TTI2: variants seen among roughly 807,000 people sequenced by gnomAD.
The protein encoded by TTI2 is TELO2 interacting protein 2.
In TTI2, 26 loss-of-function variants were observed where a neutral mutation model predicts 44.9. The ratio of observed to expected loss-of-function variants is 0.58; its 90% CI spans 0.42 to 0.80. The LOEUF is 0.80. Among genes scored for constraint, TTI2 ranks in the 30% least tolerant of loss-of-function variants. The pLI is 0.00. For missense variants in TTI2, 582 were observed against 611.6 expected (o/e 0.95, Z 0.51); for synonymous variants, 254 against 250.9 (o/e 1.01, Z -0.12).
chr8:33,512,413 T>C lies in TTI2; in HGVS notation c.201A>G (p.Leu67=), dbSNP rs1809577427. The change falls in exon 2 of 8, where the codon TTA becomes TTG. Residue 67 remains leucine, a synonymous_variant. Coordinates refer to ENST00000431156, the MANE Select transcript of TTI2 (RefSeq NM_001102401.4). ...GGAGCCGTGCACCAGTCCCCTCAAA[T>C]AACCTATCAAATTCTGTGGCTTCTA... ...DLIEATEFDR[L]FEGTGARLRG... 5 of 1,614,074 alleles carry C rather than the reference T, an allele frequency of 3.1e-6. No homozygotes were observed. The highest frequency in any genetic ancestry group is 3.4e-6 in the Non-Finnish European group (4 of 1,179,944).
At chr8:33,506,061 A>G (rs915252005) in intron 4 of TTI2, among the ~76,000 whole-genome samples, 12 of 152,152 alleles carry the variant, frequency 7.9e-5, no homozygotes, top group African/African-American at 2.7e-4. Context: ...CTGGGATTAC[A>G]GGCGTGAGCC....
Position 33,509,601 on chromosome 8 carries a change from C to T in TTI2, c.834+145G>A, listed in dbSNP as rs1193805080. 3 of 764,464 alleles carry T rather than the reference C, an allele frequency of 3.9e-6. No individual in the cohort carries two copies. In the African/African-American group the frequency reaches 5.2e-5, roughly 13 times the overall value. 47.4% of individuals were successfully genotyped at this position (764,464 alleles called of 1,614,324 possible). ...TTATTACATTACCTATAGGATACAA[C>T]TTCTACCAGGTGGATAGAGGAAAAA... On this transcript the variant is annotated intron_variant, in intron 3 of 7. Transcript: ENST00000431156.
chr8:33,504,745 A>C (rs1809236802), intron 4 of TTI2, among the ~76,000 whole-genome samples: 1 of 152,116 alleles, frequency 6.6e-6, no homozygotes, highest in Non-Finnish European at 1.5e-5. Context: ...CCATCTTGGG[A>C]TGCATGCAGG....
rs1383186117 is a variant in TTI2 at position 33,503,521 on chromosome 8, A to G, written c.1167T>C (p.Ile389=). The G allele has an allele frequency of 5.0e-6, 8 of 1,613,948 alleles. No homozygotes were observed. Among genetic ancestry groups the G allele is most frequent in the Non-Finnish European group, 5.1e-6 (6 of 1,180,022 alleles). Residue 389 remains isoleucine (I), a synonymous_variant, in exon 6 of 8, where the codon ATT becomes ATC. Transcript: ENST00000431156. ...RHLKRLERVI[I]GYLEVYDGPE... ...GTCCATCATAAACCTCCAGATAACC[A>G]ATGATGACTCTCTCCAGCCTCTTTA...
At chr8:33,509,978 G>GAAAA in intron 2 of TTI2, 46 bp from the exon 3 acceptor site, 19 of 265,170 alleles carry the variant, frequency 7.2e-5, no homozygotes, top group South Asian at 1.3e-4. Context: ...GTGATAAGTA[G>GAAAA]CAAAAAAAAA....
Position 33,500,328 on chromosome 8 carries a change from CT to C in TTI2, c.1421del (p.Lys474ArgfsTer17). ...GAAACCAAGTTTCAGTCTGCCTTAC[CT>C]TTACCCGTCCTTGAGAACAGCGGTC... is the stretch of plus-strand genomic sequence containing the variant. ...LLDRCSQGRV[K>X]GLLAKIPQSC... On this transcript the variant is annotated frameshift_variant and splice_region_variant, in exon 7 of 8. Transcript: ENST00000431156. LOFTEE classifies it low-confidence loss of function (END_TRUNC). 1 of 1,614,040 alleles carries C rather than the reference CT, an allele frequency of 6.2e-7. No homozygotes were observed. The highest frequency in any genetic ancestry group is 8.5e-7 in the Non-Finnish European group (1 of 1,179,980).
At chr8:33,510,052 G>A (rs188786449) in intron 2 of TTI2, 120 bp from the exon 3 acceptor site, 18 of 764,406 alleles carry the variant, frequency 2.4e-5, no homozygotes, top group East Asian at 8.0e-5. Flanking sequence ...AAAATACATC[G>A]CACATAAGAT....
In TTI2 at chr8:33,503,878, T is replaced by C. The variant is rs770130398; in HGVS notation, c.985A>G (p.Lys329Glu). The change falls in exon 5 of 8, where the codon AAA (lysine) becomes GAA (glutamate). Residue 329 changes from lysine to glutamate, a missense_variant. Physicochemically the swap from Lys to Glu is moderately conservative, Grantham distance 56 (BLOSUM62 1). Coordinates refer to ENST00000431156, the MANE Select transcript of TTI2 (RefSeq NM_001102401.4). Reference protein sequence around the residue: ...FPILEKTLHWKGDGARPTTHC... With the variant: ...FPILEKTLHWEGDGARPTTHC... ...GTGGTGGGTCGAGCTCCATCTCCTT[T>C]CCAGTGCAGGGTTTTCTCCAGGATG... 10 of 1,613,966 alleles carry C rather than the reference T, an allele frequency of 6.2e-6. No homozygotes were observed. The highest frequency in any genetic ancestry group is 1.6e-4 in the Middle Eastern group (1 of 6,082).
rs184679660 is a variant in TTI2 at position 33,506,021 on chromosome 8, G to A, written c.927+1208C>T. 6.8e-3 allele frequency among the ~76,000 whole-genome samples: 1,043 copies of A among 152,276 alleles called. 18 individuals are homozygous for A. Among genetic ancestry groups the A allele is most frequent in the African/African-American group, 0.024 (997 of 41,560 alleles). ...GTTGGTCTTGAACTCCCAACCTCAG[G>A]TGGTCTGCCTGCCTCGGCCTCCCAA... On this transcript the variant is annotated intron_variant, in intron 4 of 7. Coordinates refer to ENST00000431156, the MANE Select transcript of TTI2 (RefSeq NM_001102401.4).
rs552214933 is a variant in TTI2 at position 33,499,305 on chromosome 8, A to AT, written c.1423-29dup. 2.5e-3 allele frequency: 3,800 copies of AT among 1,500,740 alleles called. 73 individuals are homozygous for AT. In the African/African-American group the frequency reaches 0.046, roughly 18 times the overall value. The allele number at this position is 1,500,740 out of a possible 1,614,324, so 93.0% of individuals were successfully genotyped here. On this transcript the variant is annotated intron_variant, in intron 7 of 7. Coordinates refer to ENST00000431156, the MANE Select transcript of TTI2 (RefSeq NM_001102401.4). ...GAAACATGAAACCAAACAGGCTTTG[A>AT]TATTTTTTTTTTTTTAATTACTTTC...
Position 33,501,595 on chromosome 8 carries a change from A to G in TTI2, c.1260-1105T>C, listed in dbSNP as rs565053606. Among the ~76,000 whole-genome samples the G allele has an allele frequency of 7.9e-5, 12 of 152,334 alleles. No individual in the cohort carries two copies. In the South Asian group the frequency reaches 2.5e-3, roughly 32 times the overall value. On this transcript the variant is annotated intron_variant, in intron 6 of 7. Transcript: ENST00000431156. ...TACTGAACATACTTTGGGAGAATATAATAGATGTGGTTTTCCGTTATCCTG... is the reference window on the plus strand; with the variant it reads ...TACTGAACATACTTTGGGAGAATATGATAGATGTGGTTTTCCGTTATCCTG...
In TTI2 at chr8:33,512,392, C is replaced by A. The variant is rs1018806980; in HGVS notation, c.222G>T (p.Arg74=). 7 of 1,613,990 alleles carry A rather than the reference C, an allele frequency of 4.3e-6. No individual in the cohort carries two copies. Among genetic ancestry groups the A allele is most frequent in the East Asian group, 2.2e-5 (1 of 44,892 alleles). Residue 74 remains arginine (R), a synonymous_variant, in exon 2 of 8, where the codon CGG becomes CGT. Coordinates refer to ENST00000431156, the MANE Select transcript of TTI2 (RefSeq NM_001102401.4). ...FDRLFEGTGA[R]LRGMPETLGQ... is the part of the protein sequence containing the mutation. ...CCAGTGTCTCCGGCATTCCGCGGAG[C>A]CGTGCACCAGTCCCCTCAAATAACC...
rs779667461 is a variant in TTI2 at position 33,500,471 on chromosome 8, C to T, written c.1279G>A (p.Val427Ile). 4 of 1,614,018 alleles carry T rather than the reference C, an allele frequency of 2.5e-6. No homozygotes were observed. The South Asian group carries it at 4.4e-5, about 18-fold the overall frequency. The change falls in exon 7 of 8, where the codon GTC (valine) becomes ATC (isoleucine). Residue 427 changes from valine to isoleucine, a missense_variant. Val to Ile is a conservative substitution (Grantham distance 29). Coordinates refer to ENST00000431156, the MANE Select transcript of TTI2 (RefSeq NM_001102401.4). ...AGTTTCAAGAGGGCCTTCAGTAAGA[C>T]CACAAGTCTGCAGGAAACTCTGGAA... ...TWPRVSCRLV[V>I]LLKALLKLIC...
Position 33,500,335 on chromosome 8 carries a change from C to G in TTI2, c.1415G>C (p.Arg472Pro), listed in dbSNP as rs755926912. The change falls in exon 7 of 8, where the codon CGG (arginine) becomes CCG (proline). Residue 472 changes from arginine (R) to proline (P), a missense_variant. Arg to Pro is a moderately radical substitution (Grantham distance 103, BLOSUM62 -2). Transcript: ENST00000431156. ...AGTTTCAGTCTGCCTTACCTTTACC[C>G]GTCCTTGAGAACAGCGGTCCAGGAG... ...LILLDRCSQG[R>P]VKGLLAKIPQ... The G allele has an allele frequency of 1.9e-6, 3 of 1,614,036 alleles. No homozygotes were observed. The highest frequency in any genetic ancestry group is 2.5e-6 in the Non-Finnish European group (3 of 1,179,992).
chr8:33,512,553 A>G lies in TTI2; in HGVS notation c.61T>C (p.Leu21=). 1 of 1,613,806 alleles carries G rather than the reference A, an allele frequency of 6.2e-7. No individual in the cohort carries two copies. Among genetic ancestry groups the G allele is most frequent in the South Asian group, 1.1e-5 (1 of 91,064 alleles). Reference sequence around the variant, plus strand: ...GCCTGTCCAAAGGCGGAGTGAGACAACTCCTCGGACAAATTAGAGTCTTCC... The same window carrying G: ...GCCTGTCCAAAGGCGGAGTGAGACAGCTCCTCGGACAAATTAGAGTCTTCC... ...SQEDSNLSEE[L]SHSAFGQAFS... is the part of the protein sequence containing the mutation. Residue 21 remains leucine (L), a synonymous_variant, in exon 2 of 8, where the codon TTG becomes CTG. Transcript: ENST00000431156.
chr8:33,507,928 G>C (rs1809358100), intron 3 of TTI2, among the ~76,000 whole-genome samples: 1 of 149,004 alleles, frequency 6.7e-6, no homozygotes, highest in African/African-American at 2.5e-5. Context: ...GGTTGAGGCT[G>C]CAGTGAGCTA....
chr8:33,509,876 T>G lies in TTI2; in HGVS notation c.704A>C (p.Gln235Pro), dbSNP rs1238580689. The part of the protein sequence containing the change: ...IKHVFSWTLQ[Q>P]VTRPWLSQHL... ...CTGGCTCAGCCAGGGCCGAGTGACC[T>G]GTTGCAGAGTCCATGAGAAAACATG... The change falls in exon 3 of 8, where the codon CAG (glutamine) becomes CCG (proline). Residue 235 changes from glutamine (Q) to proline (P), a missense_variant. By Grantham distance (76) the Gln-to-Pro change is moderately conservative (BLOSUM62 -1). Coordinates refer to ENST00000431156, the MANE Select transcript of TTI2 (RefSeq NM_001102401.4). 6.2e-7 allele frequency: 1 copy of G among 1,613,792 alleles called. No individual in the cohort carries two copies. Among genetic ancestry groups the G allele is most frequent in the Non-Finnish European group, 8.5e-7 (1 of 1,179,990 alleles).
intron 4 of TTI2, among the ~76,000 whole-genome samples, chr8:33,505,047 A>G (rs771826099): frequency 6.6e-6 from 1 of 151,928 alleles, no homozygotes; most frequent in Non-Finnish European, 1.5e-5. Flanking sequence ...ACATGGCAAA[A>G]CCCCGTCTCT....
Position 33,507,222 on chromosome 8 carries a change from CTAT to C in TTI2, c.927+4_927+6del. 6.2e-7 allele frequency: 1 copy of C among 1,612,694 alleles called. No homozygotes were observed. Among genetic ancestry groups the C allele is most frequent in the Non-Finnish European group, 8.5e-7 (1 of 1,178,672 alleles). ...CAGACCCAGTTATGAAGAAATCATA[CTAT>C]TACCTGAATGAGGTGGTGCTCTGGT... On this transcript the variant is annotated splice_donor_5th_base_variant and intron_variant, in intron 4 of 7. Transcript: ENST00000431156.
Sources: gnomAD v4.1 joint callset for allele counts (sites outside exome capture counted in the v4.1 genomes callset) on GRCh38, gnomAD v4.1.1 for gene constraint, MANE v1.5 for transcripts, NCBI Gene and HGNC (gene_info 2026-07-23, HGNC 2026-07-21) for gene names.